FBXL17: variants seen among roughly 807,000 people sequenced by gnomAD.
The protein encoded by FBXL17 is F-box and leucine rich repeat protein 17.
Under a neutral mutation model 66.2 loss-of-function variants are expected in FBXL17, and 22 were observed. The ratio of observed to expected loss-of-function variants is 0.33; its 90% CI spans 0.24 to 0.47. The LOEUF (loss-of-function observed/expected upper bound fraction) is 0.47. FBXL17 is among the 20% of genes least tolerant of loss of function. The pLI is 1.00. For missense variants in FBXL17, 878 were observed against 948.2 expected, an observed-to-expected ratio of 0.93 and a Z score of 0.97; for synonymous variants, 474 against 400.5, an observed-to-expected ratio of 1.18 and a Z score of -2.19.
intron 7 of FBXL17, among the ~76,000 whole-genome samples, chr5:108,020,306 G>A (rs1190541079): frequency 6.6e-6 from 1 of 151,564 alleles, no homozygotes; most frequent in East Asian, 1.9e-4. Flanking sequence ...AAAAAGGAAG[G>A]GCTAGGTTAT....
At chr5:107,904,248 C>T (rs1275177556) in intron 7 of FBXL17, among the ~76,000 whole-genome samples, 2 of 152,126 alleles carry the variant, frequency 1.3e-5, no homozygotes, top group African/African-American at 2.4e-5. Flanking sequence ...ACAGACTTGT[C>T]CAGATCAGAG....
chr5:107,871,045 A>T (rs1025941960), intron 8 of FBXL17, among the ~76,000 whole-genome samples: 1 of 125,516 alleles, frequency 8.0e-6, no homozygotes, highest in Non-Finnish European at 1.6e-5. Context: ...AAGAAATATT[A>T]CTCTTGGGCG....
At chr5:108,084,235 C>G (rs1168549661) in intron 6 of FBXL17, among the ~76,000 whole-genome samples, 1 of 152,206 alleles carries the variant, frequency 6.6e-6, no homozygotes, top group Non-Finnish European at 1.5e-5. Context: ...TCCGACCCTT[C>G]ATTAGTCAGA....
Position 108,063,239 on chromosome 5 carries a change from T to C in FBXL17, c.1746-42238A>G, listed in dbSNP as rs114587637. ...GTTGAACTCAGAGATTCAGCATTTGTCCTACAGACTGTTCCCAATGGTGAG... is the reference window on the plus strand; with the variant it reads ...GTTGAACTCAGAGATTCAGCATTTGCCCTACAGACTGTTCCCAATGGTGAG... On this transcript the variant is annotated intron_variant, in intron 6 of 8. Transcript: ENST00000542267. 2.6e-3 allele frequency among the ~76,000 whole-genome samples: 402 copies of C among 152,324 alleles called. 2 individuals carry two copies. The highest frequency in any genetic ancestry group is 8.6e-3 in the African/African-American group (359 of 41,578).
chr5:108,086,050 A>C (rs1351405688), intron 6 of FBXL17, among the ~76,000 whole-genome samples: 1 of 152,226 alleles, frequency 6.6e-6, no homozygotes, highest in East Asian at 1.9e-4. Context: ...CATAGAAATC[A>C]GAATTTCTTT....
At chr5:108,076,549 A>ATT (rs144248403) in intron 6 of FBXL17, among the ~76,000 whole-genome samples, 149 of 152,108 alleles carry the variant, frequency 9.8e-4, no homozygotes, top group African/African-American at 2.7e-3. Context: ...ATAAAATGTG[A>ATT]TTTTTTTAAA....
intron 7 of FBXL17, among the ~76,000 whole-genome samples, chr5:107,908,588 T>C (rs1459638567): frequency 6.6e-6 from 1 of 152,134 alleles, no homozygotes; most frequent in South Asian, 2.1e-4. Context: ...TATGGATTTA[T>C]AGGTAGGGAT....
At chr5:107,972,278 A>T (rs1201493623) in intron 7 of FBXL17, among the ~76,000 whole-genome samples, 1 of 152,250 alleles carries the variant, frequency 6.6e-6, no homozygotes, top group Non-Finnish European at 1.5e-5. Flanking sequence ...TTTATCAAAT[A>T]AAGTCTTAAT....
intron 8 of FBXL17, chr5:107,878,311 TC>T: frequency 7.5e-6 from 7 of 937,324 alleles, no homozygotes; most frequent in Non-Finnish European, 8.9e-6. Context: ...ATTGGAAAAT[TC>T]CAGTATCACA....
chr5:108,270,093 A>C (rs1208641181), intron 4 of FBXL17, among the ~76,000 whole-genome samples: 1 of 152,160 alleles, frequency 6.6e-6, no homozygotes, highest in African/African-American at 2.4e-5. Context: ...TATGTAGATT[A>C]AAGATACTAA....
At chr5:108,162,998 T>A (rs1752271956) in intron 6 of FBXL17, among the ~76,000 whole-genome samples, 2 of 152,120 alleles carry the variant, frequency 1.3e-5, no homozygotes. Flanking sequence ...AAAATGATTT[T>A]AAAAAATACA....
chr5:108,278,669 C>T (rs1478436315), intron 4 of FBXL17, among the ~76,000 whole-genome samples: 1 of 152,196 alleles, frequency 6.6e-6, no homozygotes, highest in Non-Finnish European at 1.5e-5. Context: ...GGAATGAGCC[C>T]CACCAGAACT....
intron 8 of FBXL17, among the ~76,000 whole-genome samples, chr5:107,871,643 G>A (rs1349402666): frequency 6.6e-6 from 1 of 152,018 alleles, no homozygotes; most frequent in South Asian, 2.1e-4. Flanking sequence ...CACGTGTGGT[G>A]CAGATGAGAA....
At chr5:108,218,202 G>A (rs1201723085) in intron 5 of FBXL17, among the ~76,000 whole-genome samples, 3 of 151,640 alleles carry the variant, frequency 2.0e-5, no homozygotes, top group Non-Finnish European at 4.4e-5. Context: ...TAGAGATGGG[G>A]TTTCACCATG....
chr5:108,058,125 T>A (rs1747780854), intron 6 of FBXL17, among the ~76,000 whole-genome samples: 1 of 152,214 alleles, frequency 6.6e-6, no homozygotes. Context: ...TAGTGAACAC[T>A]CGGTAGTAAT....
At chr5:108,354,078 G>A (rs2065269905) in intron 3 of FBXL17, among the ~76,000 whole-genome samples, 2 of 152,074 alleles carry the variant, frequency 1.3e-5, no homozygotes, top group Non-Finnish European at 2.9e-5. Flanking sequence ...TGAGTATCCT[G>A]TCAGCACTCA....
intron 5 of FBXL17, among the ~76,000 whole-genome samples, chr5:108,192,045 A>G (rs1161136632): frequency 6.6e-6 from 1 of 152,178 alleles, no homozygotes; most frequent in Non-Finnish European, 1.5e-5. Context: ...AAGACACAAA[A>G]CTAGCACTTC....
chr5:108,281,175 C>T (rs1216576585), intron 4 of FBXL17, among the ~76,000 whole-genome samples: 1 of 151,880 alleles, frequency 6.6e-6, no homozygotes, highest in African/African-American at 2.4e-5. Flanking sequence ...ATGGACCTAA[C>T]AGAATTTACA....
At chr5:108,285,446 A>G (rs1013909205) in intron 4 of FBXL17, among the ~76,000 whole-genome samples, 8 of 151,874 alleles carry the variant, frequency 5.3e-5, no homozygotes, top group Non-Finnish European at 8.8e-5. Context: ...TTATTCTTAA[A>G]CAATAAGAGT....
Sources: allele counts gnomAD v4.1 joint callset (sites outside exome capture counted in the v4.1 genomes callset), GRCh38; gene constraint gnomAD v4.1.1; transcripts MANE v1.5; gene names NCBI Gene and HGNC (gene_info 2026-07-23, HGNC 2026-07-21).